The following ZFAT variants were observed in gnomAD, a reference collection of about 807,000 sequenced individuals.
ZFAT encodes the protein zinc finger and AT-hook domain containing.
In ZFAT, 64 loss-of-function variants were observed where a neutral mutation model predicts 117.7. That is an observed-to-expected ratio of 0.54 (90% CI 0.44 to 0.67). The LOEUF is 0.67. Among genes scored for constraint, ZFAT ranks in the 30% least tolerant of loss-of-function variants. ZFAT has a pLI of 0.00. For missense variants in ZFAT, 1,433 were observed against 1,584.5 expected (o/e 0.90, Z 1.62); for synonymous variants, 679 against 615.0 (o/e 1.10, Z -1.54).
chr8:134,794,627 A>G, the ZFAT span: 1 of 152,252 alleles, frequency 6.6e-6, no homozygotes, highest in East Asian at 1.9e-4. Flanking sequence ...ATTTTTTAAT[A>G]CATAATGAAA....
intron 1 of ZFAT, among the ~76,000 whole-genome samples, chr8:134,694,862 T>C (rs1833748468): frequency 6.6e-6 from 1 of 152,174 alleles, no homozygotes; most frequent in Non-Finnish European, 1.5e-5. Flanking sequence ...TCAAATCCAT[T>C]ACCGTAGTTA....
intron 7 of ZFAT, among the ~76,000 whole-genome samples, chr8:134,592,124 A>G (rs1826554190): frequency 6.6e-6 from 1 of 152,230 alleles, no homozygotes; most frequent in Non-Finnish European, 1.5e-5. Flanking sequence ...ACTTGGATTT[A>G]CAGAAGGACT....
chr8:134,536,690 C>T (rs75067004), intron 11 of ZFAT, among the ~76,000 whole-genome samples: 6,963 of 152,266 alleles, frequency 0.046, 280 homozygotes, highest in Admixed American at 0.14. Context: ...ATTTACTGAC[C>T]TCTGACTGTC....
chr8:134,773,203 C>T, the ZFAT span, among the ~76,000 whole-genome samples: 1 of 152,102 alleles, frequency 6.6e-6, no homozygotes, highest in African/African-American at 2.4e-5. Flanking sequence ...AAAGCCAATG[C>T]TCATTTACCA....
chr8:134,737,987 G>T, the ZFAT span, among the ~76,000 whole-genome samples: 4 of 152,092 alleles, frequency 2.6e-5, no homozygotes, highest in African/African-American at 7.2e-5. Context: ...TACCATTAAG[G>T]TCTCTTCATG....
At chr8:134,780,376 T>C in the ZFAT span, among the ~76,000 whole-genome samples, 1 of 152,190 alleles carries the variant, frequency 6.6e-6, no homozygotes, top group African/African-American at 2.4e-5. Flanking sequence ...TTGCTAGCAA[T>C]GCCTATTTTC....
Position 134,600,635 on chromosome 8 carries a change from A to C in ZFAT, c.2276T>G (p.Met759Arg), listed in dbSNP as rs1383633043. Residue 759 changes from methionine (M) to arginine (R), a missense_variant, in exon 7 of 16, where the codon ATG becomes AGG. Around this residue, in one of 5 missense-constraint regions of ZFAT, gnomAD observed 372 missense variants for 355.6 expected, o/e 1.05. Transcript: ENST00000377838. ...TTCCCGGGTGTGGGTGCGGACATGC[A>C]TATCAAAATGCACTTGGTACCAAAA... Reference protein sequence around the residue: ...KLFWYQVHFDMHVRTHTREHL... With the variant: ...KLFWYQVHFDRHVRTHTREHL... 2 of 1,606,304 alleles carry C rather than the reference A, an allele frequency of 1.2e-6. No individual in the cohort carries two copies. The highest frequency in any genetic ancestry group is 2.2e-5 in the South Asian group (2 of 90,572).
chr8:134,803,227 A>C, the ZFAT span, among the ~76,000 whole-genome samples: 1 of 152,192 alleles, frequency 6.6e-6, no homozygotes, highest in South Asian at 2.1e-4. Flanking sequence ...TTCACTGCAT[A>C]AATTATGCAT....
the ZFAT span, among the ~76,000 whole-genome samples, chr8:134,741,884 T>C: frequency 1.3e-5 from 2 of 150,218 alleles, no homozygotes; most frequent in African/African-American, 4.9e-5. Flanking sequence ...CAAGGATACA[T>C]CTTCACTTCT....
At chr8:134,637,089 C>T (rs111854651) in intron 3 of ZFAT, among the ~76,000 whole-genome samples, 1 of 152,236 alleles carries the variant, frequency 6.6e-6, no homozygotes, top group Admixed American at 6.5e-5. Flanking sequence ...CCTGACTTTC[C>T]ATCAGAATGC....
At chr8:134,715,784 TTTAG>T (rs1483014383), upstream of ZFAT, among the ~76,000 whole-genome samples, 2 of 152,224 alleles carry the variant, frequency 1.3e-5, no homozygotes, top group African/African-American at 2.4e-5. Flanking sequence ...TGAAATGGTA[TTTAG>T]TTATATAAGA....
At chr8:134,601,302 C>T (rs1827432148) in intron 6 of ZFAT, among the ~76,000 whole-genome samples, 175 bp downstream of exon 6, 1 of 152,208 alleles carries the variant, frequency 6.6e-6, no homozygotes, top group Non-Finnish European at 1.5e-5. Context: ...CGGCCACCTC[C>T]ACAAGACTCC....
intron 1 of ZFAT, among the ~76,000 whole-genome samples, chr8:134,699,682 G>A (rs1315727418): frequency 6.6e-6 from 1 of 152,160 alleles, no homozygotes; most frequent in Non-Finnish European, 1.5e-5. Flanking sequence ...AAACCTCTCT[G>A]TCCCTCCGTT....
chr8:134,811,106 G>A, the ZFAT span, among the ~76,000 whole-genome samples: 1 of 152,072 alleles, frequency 6.6e-6, no homozygotes, highest in Non-Finnish European at 1.5e-5. Flanking sequence ...ATTTAATTCT[G>A]AACAAAGCCA....
At chr8:134,612,564 T>A (rs1473751050) in intron 3 of ZFAT, among the ~76,000 whole-genome samples, 1 of 152,244 alleles carries the variant, frequency 6.6e-6, no homozygotes, top group African/African-American at 2.4e-5. Flanking sequence ...CATTCTAATT[T>A]TCTATGTTCT....
intron 1 of ZFAT, among the ~76,000 whole-genome samples, chr8:134,680,366 T>C (rs1833018902): frequency 6.6e-6 from 1 of 152,136 alleles, no homozygotes; most frequent in African/African-American, 2.4e-5. Flanking sequence ...AATTGGATTT[T>C]CTGGCTTTCA....
the ZFAT span, among the ~76,000 whole-genome samples, chr8:134,830,929 T>C: frequency 3.8e-4 from 58 of 152,298 alleles, no homozygotes; most frequent in East Asian, 9.2e-3. Context: ...ATGATGACAG[T>C]GTAAAATTAA....
chr8:134,690,918 A>G (rs1214511006), intron 1 of ZFAT, among the ~76,000 whole-genome samples: 1 of 152,218 alleles, frequency 6.6e-6, no homozygotes, highest in Admixed American at 6.5e-5. Context: ...GAAATGAGGA[A>G]GACACAGACT....
the ZFAT span, among the ~76,000 whole-genome samples, chr8:134,826,185 C>G: frequency 6.6e-6 from 1 of 152,158 alleles, no homozygotes; most frequent in Non-Finnish European, 1.5e-5. Context: ...GCAAACGATT[C>G]AGCTATAAAT....
Sources: gnomAD v4.1 joint callset for allele counts (sites outside exome capture counted in the v4.1 genomes callset) on GRCh38, gnomAD v4.1.1 for gene constraint, gnomAD v4.1.1 regional missense constraint, MANE v1.5 for transcripts, NCBI Gene and HGNC (gene_info 2026-07-23, HGNC 2026-07-21) for gene names.